HERC3: variants seen among roughly 807,000 people sequenced by gnomAD.
HERC3 encodes probable E3 ubiquitin-protein ligase HERC3.
Under a neutral mutation model 129.9 loss-of-function variants are expected in HERC3, and 58 were observed. That is an observed-to-expected ratio of 0.45 (90% CI 0.36 to 0.56). HERC3 has a LOEUF of 0.56. HERC3 is among the 20% of genes least tolerant of loss of function. The pLI, the probability that HERC3 is intolerant of heterozygous loss-of-function variation, is 0.00. For missense variants in HERC3, 835 were observed against 1,244.2 expected (o/e 0.67, Z 4.95); for synonymous variants, 430 against 451.0 (o/e 0.95, Z 0.59).
chr4:88,562,641 G>T, the HERC3 span, among the ~76,000 whole-genome samples: 1 of 152,152 alleles, frequency 6.6e-6, no homozygotes, highest in Non-Finnish European at 1.5e-5. Context: ...TGAGGTATTA[G>T]ATTCAAAACT....
intron 11 of HERC3, 36 bp from the exon 12 acceptor site, chr4:88,664,117 T>A: frequency 6.3e-7 from 1 of 1,575,226 alleles, no homozygotes; most frequent in Non-Finnish European, 8.7e-7. Flanking sequence ...TTTGTAATTA[T>A]TAAAGGCTTC....
the HERC3 span, among the ~76,000 whole-genome samples, chr4:88,576,256 C>CA: frequency 0.051 from 7,692 of 152,236 alleles, 257 homozygotes; most frequent in Middle Eastern, 0.14. Context: ...ATTCTACTAC[C>CA]ACTCCCCTTC....
At chr4:88,654,595 T>C (rs916233750) in intron 7 of HERC3, among the ~76,000 whole-genome samples, 11 of 150,304 alleles carry the variant, frequency 7.3e-5, no homozygotes, top group Admixed American at 1.3e-4. Context: ...CTATGTTCCT[T>C]TAAAACAAGT....
At chr4:88,655,122 A>G in intron 7 of HERC3, 52 bp from the exon 8 acceptor site, 1 of 1,592,534 alleles carries the variant, frequency 6.3e-7, no homozygotes, top group African/African-American at 1.3e-5. Context: ...CAGGGTTTAG[A>G]GGTATACCCT....
rs1016570199 is a variant in HERC3, at chr4:88,667,580, T to C, written c.1443+92T>C. The C allele has an allele frequency of 1.1e-5, 8 of 724,164 alleles. No individual in the cohort carries two copies. The East Asian group carries it at 1.9e-4, about 17-fold the overall frequency. The allele number at this position is 724,164 out of a possible 1,614,324, so 44.9% of individuals were successfully genotyped here. On this transcript the variant is annotated intron_variant, in intron 13 of 25. Transcript: ENST00000402738. ...AGAGAAAAAGAGTAAGATGAAAAAG[T>C]GAAAGTCTCCAAATCTTAATTTTGT...
intron 16 of HERC3, among the ~76,000 whole-genome samples, chr4:88,673,809 A>C (rs942041150): frequency 3.9e-5 from 6 of 152,338 alleles, no homozygotes; most frequent in Non-Finnish European, 7.3e-5. Context: ...AAGTCTGTGG[A>C]TGTATAAGCA....
intron 2 of HERC3, among the ~76,000 whole-genome samples, chr4:88,600,250 A>G (rs1302745540): frequency 6.6e-6 from 1 of 152,234 alleles, no homozygotes; most frequent in African/African-American, 2.4e-5. Flanking sequence ...TTAAGTAAAC[A>G]AAGAAGGGAC....
At chr4:88,549,939 CG>C in the HERC3 span, among the ~76,000 whole-genome samples, 1 of 152,020 alleles carries the variant, frequency 6.6e-6, no homozygotes, top group Non-Finnish European at 1.5e-5. Context: ...AGTCAGGATA[CG>C]CGAACAGGAG....
intron 3 of HERC3, among the ~76,000 whole-genome samples, chr4:88,607,276 T>C (rs996148208): frequency 1.3e-5 from 2 of 151,958 alleles, no homozygotes; most frequent in East Asian, 3.9e-4. Context: ...GTGATGTGAA[T>C]ATAAAGGTGC....
At chr4:88,685,801 GA>G (rs35307970) in intron 21 of HERC3, among the ~76,000 whole-genome samples, 1 of 151,796 alleles carries the variant, frequency 6.6e-6, no homozygotes, top group Admixed American at 6.6e-5. Flanking sequence ...CTAACTGGGT[GA>G]AAAAAAGTAA....
At chr4:88,615,712 T>C (rs1724829931) in intron 3 of HERC3, among the ~76,000 whole-genome samples, 1 of 152,180 alleles carries the variant, frequency 6.6e-6, no homozygotes, top group East Asian at 1.9e-4. Flanking sequence ...ATACATTGCC[T>C]ATCAGATACT....
At chr4:88,654,661 G>A (rs1377718834) in intron 7 of HERC3, among the ~76,000 whole-genome samples, 1 of 151,174 alleles carries the variant, frequency 6.6e-6, no homozygotes, top group East Asian at 1.9e-4. Flanking sequence ...AAATAATCAT[G>A]TTTCTTTTGC....
intron 9 of HERC3, chr4:88,656,778 G>A (rs531872937): frequency 1.3e-4 from 20 of 152,306 alleles, no homozygotes; most frequent in African/African-American, 4.6e-4. Flanking sequence ...ACTATGCAAA[G>A]CACTCAAAAT....
At chr4:88,698,310 T>C (rs1464524499) in intron 23 of HERC3, among the ~76,000 whole-genome samples, 1 of 152,000 alleles carries the variant, frequency 6.6e-6, no homozygotes, top group Non-Finnish European at 1.5e-5. Context: ...GGACCTGGGG[T>C]GCATGTGTGT....
chr4:88,620,217 T>A (rs1279828145), intron 3 of HERC3, among the ~76,000 whole-genome samples: 1 of 152,214 alleles, frequency 6.6e-6, no homozygotes, highest in Non-Finnish European at 1.5e-5. Context: ...AAGATAAAGT[T>A]TTAAGTAGCA....
chr4:88,693,823 G>C (rs1409797777), intron 23 of HERC3, among the ~76,000 whole-genome samples: 1 of 152,126 alleles, frequency 6.6e-6, no homozygotes, highest in Non-Finnish European at 1.5e-5. Context: ...CTTTCTTTCT[G>C]CCAGTTATTT....
the HERC3 span, among the ~76,000 whole-genome samples, chr4:88,582,540 A>G: frequency 1.3e-5 from 2 of 152,180 alleles, no homozygotes; most frequent in East Asian, 3.9e-4. Context: ...TGACTGAGGG[A>G]AGTTCTTTTA....
intron 23 of HERC3, among the ~76,000 whole-genome samples, chr4:88,692,012 T>C (rs926714043): frequency 6.6e-6 from 1 of 152,192 alleles, no homozygotes; most frequent in African/African-American, 2.4e-5. Flanking sequence ...TTTCATTTGG[T>C]TTTAAAATGC....
At position 88,613,009 on chromosome 4, in the gene HERC3, A is replaced by G. The variant is rs189076470; in HGVS notation, c.226+6960A>G. Among the ~76,000 whole-genome samples the G allele has an allele frequency of 1.5e-3, 234 of 152,326 alleles. 1 individual carries two copies. Among genetic ancestry groups the G allele is most frequent in the South Asian group, 4.4e-3 (21 of 4,824 alleles). On this transcript the variant is annotated intron_variant, in intron 3 of 25. Coordinates refer to ENST00000402738, the MANE Select transcript of HERC3 (RefSeq NM_014606.3). ...ACATTGTAAACAGTACTCTTCAGCT[A>G]AATGAATAGTTCTCCTTTCCTCATA...
Sources: allele counts gnomAD v4.1 joint callset (sites outside exome capture counted in the v4.1 genomes callset), GRCh38; gene constraint gnomAD v4.1.1; transcripts MANE v1.5; gene names NCBI Gene and HGNC (gene_info 2026-07-23, HGNC 2026-07-21).